The following ESR2 variants were observed in gnomAD, a reference collection of about 807,000 sequenced individuals.
ESR2 encodes the protein estrogen receptor 2, also known as estrogen receptor beta.
Under a neutral mutation model 49.6 loss-of-function variants are expected in ESR2, and 36 were observed. The observed-to-expected ratio is 0.73, with a 90% CI of 0.56 to 0.96. The LOEUF (loss-of-function observed/expected upper bound fraction) is 0.96. Ranked by LOEUF, ESR2 falls within the 40% of genes least tolerant of loss-of-function variation. The pLI is 0.00. For missense variants in ESR2, 714 were observed against 693.0 expected, an observed-to-expected ratio of 1.03 and a Z score of -0.34; for synonymous variants, 320 against 266.1, an observed-to-expected ratio of 1.20 and a Z score of -1.97.
chr14:64,299,631 G>T (rs938032869), intron 1 of ESR2, among the ~76,000 whole-genome samples: 8 of 152,006 alleles, frequency 5.3e-5, no homozygotes, highest in South Asian at 4.2e-4. Context: ...CAAAGTGCTG[G>T]GATTACAGGC....
At chr14:64,250,819 C>T (rs985324868) in intron 6 of ESR2, among the ~76,000 whole-genome samples, 4 of 152,106 alleles carry the variant, frequency 2.6e-5, no homozygotes, top group African/African-American at 7.2e-5. Flanking sequence ...CATTACCTGC[C>T]GTACATGGCA....
At chr14:64,312,154 A>T (rs968338282) in intron 1 of ESR2, among the ~76,000 whole-genome samples, 10 of 152,214 alleles carry the variant, frequency 6.6e-5, no homozygotes, top group African/African-American at 2.4e-4. Flanking sequence ...CACTGTATTA[A>T]GTCATATATA....
In ESR2 at chr14:64,257,357, C is replaced by T. The variant is rs745438689; in HGVS notation, c.960G>A (p.Val320=). ...GCACTTGGTCGAACAGGCTGAGCTC[C>T]ACAAAGCCTGGGGAAAGCAAGAGGC... ...ISWAKKIPGF[V]ELSLFDQVRL... is the part of the protein sequence containing the mutation. Residue 320 remains valine, a synonymous_variant, in exon 6 of 9, where the codon GTG becomes GTA. Transcript: ENST00000341099. 6.2e-7 allele frequency: 1 copy of T among 1,612,770 alleles called. No homozygotes were observed. Among genetic ancestry groups the T allele is most frequent in the Non-Finnish European group, 8.5e-7 (1 of 1,180,034 alleles).
intron 7 of ESR2, among the ~76,000 whole-genome samples, chr14:64,242,451 A>AAAT (rs1555571836): frequency 3.2e-5 from 4 of 126,700 alleles, no homozygotes; most frequent in East Asian, 4.2e-4. Flanking sequence ...AAACAAAAAA[A>AAAT]ATATATATAT....
intron 7 of ESR2, among the ~76,000 whole-genome samples, chr14:64,241,161 A>T (rs1412486637): frequency 6.6e-6 from 1 of 151,702 alleles, no homozygotes; most frequent in Admixed American, 6.6e-5. Flanking sequence ...AAAAAAAAAA[A>T]AAAAAAAAAG....
chr14:64,292,265 A>G (rs2076884607), intron 1 of ESR2, among the ~76,000 whole-genome samples: 1 of 152,220 alleles, frequency 6.6e-6, no homozygotes, highest in South Asian at 2.1e-4. Flanking sequence ...GTAAAAACGT[A>G]CTAAAGAGCA....
intron 6 of ESR2, among the ~76,000 whole-genome samples, chr14:64,254,480 C>T (rs1316237933): frequency 6.6e-6 from 1 of 151,828 alleles, no homozygotes; most frequent in Admixed American, 6.6e-5. Context: ...GGCGTGGTGA[C>T]TCACGTCTGT....
intron 4 of ESR2, among the ~76,000 whole-genome samples, chr14:64,261,471 T>A (rs1169079308): frequency 6.6e-6 from 1 of 152,036 alleles, no homozygotes; most frequent in African/African-American, 2.4e-5. Context: ...AGGCTGCAGT[T>A]CAGTGGCACA....
intron 1 of ESR2, chr14:64,336,393 A>C (rs2077532516): frequency 6.6e-6 from 1 of 152,102 alleles, no homozygotes; most frequent in South Asian, 2.1e-4. Flanking sequence ...CTATCATAAG[A>C]TTTTATGTAT....
chr14:64,228,260 T>C (rs1417877536), downstream of ESR2, among the ~76,000 whole-genome samples: 2 of 152,222 alleles, frequency 1.3e-5, no homozygotes, highest in Non-Finnish European at 1.5e-5. Flanking sequence ...GAATAGAATG[T>C]AGACACTACT....
chr14:64,244,315 G>A (rs759685512), intron 7 of ESR2, among the ~76,000 whole-genome samples: 5 of 151,678 alleles, frequency 3.3e-5, no homozygotes, highest in East Asian at 1.9e-4. Context: ...CAGGAGAATC[G>A]CTTGAACCCA....
chr14:64,236,444 G>C (rs1057361210), intron 7 of ESR2, among the ~76,000 whole-genome samples: 1 of 152,002 alleles, frequency 6.6e-6, no homozygotes, highest in Non-Finnish European at 1.5e-5. Context: ...GGCCCCGTGT[G>C]TCCCCTTCTG....
chr14:64,280,487 G>T (rs929407406), intron 2 of ESR2, among the ~76,000 whole-genome samples: 5 of 152,202 alleles, frequency 3.3e-5, no homozygotes, highest in Non-Finnish European at 5.9e-5. Flanking sequence ...GGAGTGGCCA[G>T]ATCAAATCTT....
At chr14:64,315,605 G>A (rs2077244598) in intron 1 of ESR2, among the ~76,000 whole-genome samples, 1 of 151,238 alleles carries the variant, frequency 6.6e-6, no homozygotes, top group African/African-American at 2.4e-5. Flanking sequence ...CTCCTGAGTA[G>A]CTGGGACTAC....
upstream of ESR2, among the ~76,000 whole-genome samples, chr14:64,296,748 T>C (rs1435206795): frequency 6.6e-6 from 1 of 152,222 alleles, no homozygotes; most frequent in African/African-American, 2.4e-5. Context: ...AACAGCATGT[T>C]CTCTTTTCAG....
At chr14:64,234,696 G>T in intron 8 of ESR2, 1 of 619,102 alleles carries the variant, frequency 1.6e-6, no homozygotes, top group African/African-American at 1.8e-5. Flanking sequence ...GCCCCTTTTA[G>T]GACTCCATAA....
intron 1 of ESR2, among the ~76,000 whole-genome samples, chr14:64,315,456 G>T (rs1024681203): frequency 5.9e-5 from 9 of 151,484 alleles, no homozygotes; most frequent in South Asian, 2.1e-4. Flanking sequence ...TATTAAGTAG[G>T]TTATCTTTTT....
At chr14:64,242,969 A>T (rs1244471414) in intron 7 of ESR2, among the ~76,000 whole-genome samples, 1 of 152,184 alleles carries the variant, frequency 6.6e-6, no homozygotes, top group Non-Finnish European at 1.5e-5. Flanking sequence ...GGAAACTCCC[A>T]TTTTTATATA....
At chr14:64,297,899 G>A (rs1209920812), upstream of ESR2, among the ~76,000 whole-genome samples, 5 of 152,170 alleles carry the variant, frequency 3.3e-5, no homozygotes, top group Non-Finnish European at 7.3e-5. Flanking sequence ...AGTGTTATAG[G>A]AACAAGCTTA....
Sources: gnomAD v4.1 joint callset for allele counts (sites outside exome capture counted in the v4.1 genomes callset) on GRCh38, gnomAD v4.1.1 for gene constraint, MANE v1.5 for transcripts, NCBI Gene and HGNC (gene_info 2026-07-23, HGNC 2026-07-21) for gene names.